CCDC3: variants seen among roughly 807,000 people sequenced by gnomAD.
CCDC3 encodes coiled-coil domain-containing protein 3.
CCDC3 carries 24 observed loss-of-function variants against 21.4 expected under a neutral mutation model. The ratio of observed to expected loss-of-function variants is 1.12; its 90% CI spans 0.81 to 1.58. The LOEUF (loss-of-function observed/expected upper bound fraction) is 1.58. Among genes scored for constraint, CCDC3 ranks in the 40% most tolerant of loss-of-function variants. The pLI is 0.00. For synonymous variants in CCDC3, 186 were observed against 166.0 expected (o/e 1.12, Z -0.93); for missense variants, 425 against 360.9 (o/e 1.18, Z -1.44).
intron 5 of CCDC3, among the ~76,000 whole-genome samples, chr10:13,028,209 T>C (rs60749327): frequency 0.15 from 22,786 of 152,084 alleles, 2,382 homozygotes; most frequent in African/African-American, 0.29. Context: ...ACCGTTCTCA[T>C]GATAGTGAGT....
At chr10:13,023,688 G>A (rs1384854289) in intron 5 of CCDC3, among the ~76,000 whole-genome samples, 1 of 152,074 alleles carries the variant, frequency 6.6e-6, no homozygotes, top group Non-Finnish European at 1.5e-5. Context: ...GGTCTCTAAT[G>A]GGCCATGTCC....
intron 2 of CCDC3, among the ~76,000 whole-genome samples, chr10:12,935,784 A>G (rs1834727559): frequency 6.6e-6 from 1 of 151,580 alleles, no homozygotes; most frequent in Non-Finnish European, 1.5e-5. Flanking sequence ...TCCTGCCTCA[A>G]CCTCTAGAGT....
intron 2 of CCDC3, among the ~76,000 whole-genome samples, chr10:12,997,526 G>A (rs757324597): frequency 1.4e-4 from 21 of 152,216 alleles, no homozygotes; most frequent in Non-Finnish European, 2.4e-4. Flanking sequence ...TTACGATCCC[G>A]ACCCTTACAT....
At chr10:13,097,865 G>A (rs563740997) in intron 3 of CCDC3, among the ~76,000 whole-genome samples, 3 of 152,252 alleles carry the variant, frequency 2.0e-5, no homozygotes, top group Admixed American at 6.5e-5. Context: ...TCAACTATTC[G>A]ATTTTCCTTC....
intron 2 of CCDC3, among the ~76,000 whole-genome samples, chr10:12,928,172 G>A (rs1400020057): frequency 6.6e-6 from 1 of 152,146 alleles, no homozygotes; most frequent in Non-Finnish European, 1.5e-5. Context: ...ACCAACTGTG[G>A]CTCAAGGCAT....
chr10:12,936,571 A>G (rs1390706381), intron 2 of CCDC3, among the ~76,000 whole-genome samples: 1 of 152,142 alleles, frequency 6.6e-6, no homozygotes, highest in African/African-American at 2.4e-5. Context: ...TGAACATGAT[A>G]TGCCTAGGTA....
At chr10:12,972,062 G>A (rs1216217270) in intron 2 of CCDC3, among the ~76,000 whole-genome samples, 1 of 152,004 alleles carries the variant, frequency 6.6e-6, no homozygotes, top group Non-Finnish European at 1.5e-5. Flanking sequence ...ATCACCTCCT[G>A]TGCTGGGAGC....
chr10:12,994,421 A>AAAAAAAAAAC (rs1564313193), intron 2 of CCDC3, among the ~76,000 whole-genome samples: 1 of 148,352 alleles, frequency 6.7e-6, no homozygotes, highest in African/African-American at 2.6e-5. Context: ...AACAAAAAAA[A>AAAAAAAAAAC]AAAACACCCA....
chr10:12,902,820 G>C (rs1156232068), intron 2 of CCDC3, among the ~76,000 whole-genome samples: 1 of 39,604 alleles, frequency 2.5e-5, no homozygotes, highest in Non-Finnish European at 8.7e-5. Context: ...TTCACCTCCA[G>C]CAAGACTTAG....
intron 5 of CCDC3, among the ~76,000 whole-genome samples, chr10:13,029,676 G>A (rs569174247): frequency 1.3e-5 from 2 of 152,186 alleles, no homozygotes; most frequent in African/African-American, 4.8e-5. Context: ...ATCATGGTAC[G>A]AGAACTACAT....
intron 2 of CCDC3, among the ~76,000 whole-genome samples, chr10:12,978,812 C>T (rs114726767): frequency 1.3e-5 from 2 of 152,178 alleles, no homozygotes; most frequent in Non-Finnish European, 2.9e-5. Context: ...AAGGACCTAA[C>T]AAGTTACTAT....
At chr10:12,996,877 T>C (rs767918039) in intron 2 of CCDC3, among the ~76,000 whole-genome samples, 3 of 151,906 alleles carry the variant, frequency 2.0e-5, no homozygotes, top group Non-Finnish European at 4.4e-5. Flanking sequence ...GAGCTAAACA[T>C]TGAGTACACA....
chr10:12,918,948 G>C (rs1007277055), intron 2 of CCDC3, among the ~76,000 whole-genome samples: 4 of 152,136 alleles, frequency 2.6e-5, no homozygotes, highest in Non-Finnish European at 1.5e-5. Flanking sequence ...CCAGCTACTC[G>C]GGAGGCTGAG....
intron 3 of CCDC3, among the ~76,000 whole-genome samples, chr10:13,098,318 G>A (rs1347720335): frequency 2.0e-5 from 3 of 152,046 alleles, no homozygotes; most frequent in Non-Finnish European, 2.9e-5. Flanking sequence ...TTTTGTTCTC[G>A]TTTTTGTTTT....
At chr10:12,978,000 A>G (rs1835441061) in intron 2 of CCDC3, among the ~76,000 whole-genome samples, 1 of 151,926 alleles carries the variant, frequency 6.6e-6, no homozygotes, top group Non-Finnish European at 1.5e-5. Context: ...CTTGGGAAAG[A>G]AAAGCCATTT....
intron 2 of CCDC3, among the ~76,000 whole-genome samples, chr10:12,950,393 G>T (rs1225307528): frequency 6.6e-6 from 1 of 152,216 alleles, no homozygotes; most frequent in African/African-American, 2.4e-5. Flanking sequence ...TCAGGAGGAT[G>T]CTCTTCCCAG....
chr10:13,087,680 CTT>C lies in CCDC3; in HGVS notation c.-503+10843_-503+10844del, dbSNP rs1195996379. ...TATAAAAGGATAAGCTATGTTGGGGCTTATCCTTAGATACTTAGAAGATGATA... is the reference window on the plus strand; with the variant it reads ...TATAAAAGGATAAGCTATGTTGGGGCATCCTTAGATACTTAGAAGATGATA... On this transcript the variant is annotated intron_variant, in intron 3 of 6. Transcript: ENST00000378839. 9.9e-3 allele frequency among the ~76,000 whole-genome samples: 1,513 copies of C among 152,200 alleles called. 45 individuals carry two copies. The highest frequency in any genetic ancestry group is 0.099 in the South Asian group (476 of 4,816).
At chr10:13,050,207 C>T (rs1357046304) in intron 4 of CCDC3, among the ~76,000 whole-genome samples, 2 of 152,150 alleles carry the variant, frequency 1.3e-5, no homozygotes, top group African/African-American at 4.8e-5. Flanking sequence ...GGGGGCAGGG[C>T]TGGTCCATTT....
chr10:12,988,902 C>G (rs1835639613), intron 2 of CCDC3, among the ~76,000 whole-genome samples: 2 of 152,224 alleles, frequency 1.3e-5, no homozygotes, highest in African/African-American at 4.8e-5. Flanking sequence ...AGCTTTGGCT[C>G]TACTTGGCCA....
Sources: gnomAD v4.1 joint callset for allele counts (sites outside exome capture counted in the v4.1 genomes callset) on GRCh38, gnomAD v4.1.1 for gene constraint, MANE v1.5 for transcripts, NCBI Gene and HGNC (gene_info 2026-07-23, HGNC 2026-07-21) for gene names.